The following NLGN1 variants were observed in gnomAD, a reference collection of about 807,000 sequenced individuals.
NLGN1 encodes neuroligin-1.
In NLGN1, 12 loss-of-function variants were observed where a neutral mutation model predicts 65.5. The observed-to-expected ratio is 0.18, with a 90% confidence interval of 0.12 to 0.30. The LOEUF (loss-of-function observed/expected upper bound fraction) is 0.30, where lower values mean the gene tolerates loss of function less well. Among genes scored for constraint, NLGN1 ranks in the 10% least tolerant of loss-of-function variants. The pLI is 1.00. For missense variants in NLGN1, 750 were observed against 1,007.1 expected (o/e 0.74, Z 3.46); for synonymous variants, 350 against 359.5 (o/e 0.97, Z 0.30).
At chr3:173,784,372 G>T (rs1781630320) in intron 3 of NLGN1, among the ~76,000 whole-genome samples, 1 of 152,138 alleles carries the variant, frequency 6.6e-6, no homozygotes, top group African/African-American at 2.4e-5. Context: ...TTGACAGACT[G>T]GGTCTGAGAG....
intron 4 of NLGN1, among the ~76,000 whole-genome samples, chr3:174,177,648 G>C (rs1729688600): frequency 6.6e-6 from 1 of 151,964 alleles, no homozygotes; most frequent in African/African-American, 2.4e-5. Flanking sequence ...CTAAAGAACT[G>C]TTCCTAGATT....
chr3:174,201,347 GAAGGAAGGAAGGA>G (rs1561278777), intron 4 of NLGN1, among the ~76,000 whole-genome samples: 1 of 20,100 alleles, frequency 5.0e-5, no homozygotes, highest in East Asian at 4.5e-3. Context: ...TGGGAGGAAT[GAAGGAAGGAAGGA>G]AGGAAGGAAG....
chr3:173,521,511 C>T (rs551062469), intron 2 of NLGN1, among the ~76,000 whole-genome samples: 1 of 152,174 alleles, frequency 6.6e-6, no homozygotes, highest in African/African-American at 2.4e-5. Context: ...AGCCTAGAAT[C>T]AGCACTGTAC....
chr3:173,519,945 G>A (rs188484688), intron 2 of NLGN1, among the ~76,000 whole-genome samples: 154 of 152,214 alleles, frequency 1.0e-3, no homozygotes, highest in African/African-American at 3.5e-3. Flanking sequence ...CTGAAGTGTT[G>A]GAGGTGGGAC....
At chr3:174,038,237 T>C (rs1006123146) in intron 4 of NLGN1, among the ~76,000 whole-genome samples, 2 of 152,154 alleles carry the variant, frequency 1.3e-5, no homozygotes, top group Admixed American at 6.5e-5. Flanking sequence ...ACTGCCCCAC[T>C]GAATCGCTAG....
intron 4 of NLGN1, among the ~76,000 whole-genome samples, chr3:174,225,603 C>G (rs555427397): frequency 3.9e-5 from 6 of 152,024 alleles, no homozygotes; most frequent in Admixed American, 1.3e-4. Flanking sequence ...TGGTGGCGGG[C>G]GCCTGTAGTC....
intron 3 of NLGN1, among the ~76,000 whole-genome samples, chr3:173,763,682 C>T (rs988810712): frequency 2.6e-5 from 4 of 151,842 alleles, no homozygotes; most frequent in African/African-American, 7.3e-5. Flanking sequence ...CTCCAGCAAA[C>T]TCCTGTTTTC....
intron 4 of NLGN1, among the ~76,000 whole-genome samples, chr3:173,918,660 A>ATGTGTGTGTG (rs71162369): frequency 8.9e-6 from 1 of 111,812 alleles, no homozygotes; most frequent in African/African-American, 3.4e-5. Context: ...AGAAATACAT[A>ATGTGTGTGTG]TGTGTGTGTG....
At chr3:173,754,161 C>G (rs1239283898) in intron 3 of NLGN1, among the ~76,000 whole-genome samples, 1 of 151,608 alleles carries the variant, frequency 6.6e-6, no homozygotes, top group African/African-American at 2.4e-5. Flanking sequence ...ATCCTCGCAC[C>G]TCAGCTTCCT....
intron 4 of NLGN1, among the ~76,000 whole-genome samples, chr3:174,033,437 C>G (rs997544686): frequency 6.6e-6 from 1 of 151,974 alleles, no homozygotes; most frequent in Non-Finnish European, 1.5e-5. Context: ...TATGCCTAAA[C>G]CAAGAGAAAA....
At chr3:173,972,581 A>G (rs1480029500) in intron 4 of NLGN1, among the ~76,000 whole-genome samples, 1 of 152,150 alleles carries the variant, frequency 6.6e-6, no homozygotes, top group Non-Finnish European at 1.5e-5. Context: ...AGAGATAAAA[A>G]TGAGAAAAGA....
At chr3:173,725,902 G>A (rs919664551) in intron 3 of NLGN1, among the ~76,000 whole-genome samples, 3 of 152,092 alleles carry the variant, frequency 2.0e-5, no homozygotes, top group Admixed American at 2.0e-4. Flanking sequence ...CCTAGATGCT[G>A]CCGCTGTTCC....
chr3:173,967,175 G>A (rs1715074275), intron 4 of NLGN1, among the ~76,000 whole-genome samples: 1 of 152,178 alleles, frequency 6.6e-6, no homozygotes, highest in South Asian at 2.1e-4. Flanking sequence ...CAGACTAGCT[G>A]AAATGGAGTG....
intron 3 of NLGN1, among the ~76,000 whole-genome samples, chr3:173,772,844 ACTC>A (rs1779775168): frequency 6.6e-6 from 1 of 151,494 alleles, no homozygotes; most frequent in Middle Eastern, 3.4e-3. Flanking sequence ...AGGCTGCCAG[ACTC>A]CTCCTCCTAA....
At chr3:173,489,656 C>T (rs189809171) in intron 2 of NLGN1, among the ~76,000 whole-genome samples, 361 of 152,138 alleles carry the variant, frequency 2.4e-3, no homozygotes, top group Non-Finnish European at 4.1e-3. Flanking sequence ...TGAGGAATCG[C>T]CACACTGACT....
At chr3:174,219,440 A>G (rs1738233802) in intron 4 of NLGN1, among the ~76,000 whole-genome samples, 2 of 152,150 alleles carry the variant, frequency 1.3e-5, no homozygotes, top group South Asian at 4.1e-4. Context: ...TGTCAATGGC[A>G]TAATCACAGG....
At chr3:173,865,512 C>T (rs1002517418) in intron 4 of NLGN1, among the ~76,000 whole-genome samples, 22 of 152,126 alleles carry the variant, frequency 1.4e-4, no homozygotes, top group African/African-American at 5.3e-4. Flanking sequence ...CTCAATAAAT[C>T]CCTATGATTT....
intron 3 of NLGN1, among the ~76,000 whole-genome samples, chr3:173,616,650 A>G (rs1305767046): frequency 2.6e-5 from 4 of 152,122 alleles, no homozygotes; most frequent in Admixed American, 2.6e-4. Context: ...GGACACCTGC[A>G]GACACCATCC....
chr3:174,192,103 A>C (rs1453689815), intron 4 of NLGN1, among the ~76,000 whole-genome samples: 2 of 152,132 alleles, frequency 1.3e-5, no homozygotes, highest in Admixed American at 6.6e-5. Flanking sequence ...ATTCCGTTGT[A>C]TATTTCCGGA....
Sources: allele counts gnomAD v4.1 joint callset (sites outside exome capture counted in the v4.1 genomes callset), GRCh38; gene constraint gnomAD v4.1.1; transcripts MANE v1.5; gene names NCBI Gene and HGNC (gene_info 2026-07-23, HGNC 2026-07-21).